Variants in STAT5B observed in about 807,000 individuals in gnomAD.
STAT5B encodes the protein signal transducer and activator of transcription 5B.
Under a neutral mutation model 107.8 loss-of-function variants are expected in STAT5B, and 21 were observed. The observed-to-expected ratio is 0.19, with a 90% CI of 0.14 to 0.28. STAT5B has a LOEUF of 0.28. Among genes scored for constraint, STAT5B ranks in the 10% least tolerant of loss-of-function variants. STAT5B has a pLI of 1.00. For missense variants in STAT5B, 565 were observed against 1,008.2 expected (o/e 0.56, Z 5.95); for synonymous variants, 325 against 401.7 (o/e 0.81, Z 2.28).
At chr17:42,265,374 C>CTTTTTTTTTTTTTTTT (rs1275073687) in intron 1 of STAT5B, among the ~76,000 whole-genome samples, 10 of 99,230 alleles carry the variant, frequency 1.0e-4, no homozygotes, top group African/African-American at 5.0e-4. Context: ...GGTATGTACT[C>CTTTTTTTTTTTTTTTT]TTCTTTTTTT....
chr17:42,267,549 T>G (rs2080684247), intron 1 of STAT5B, among the ~76,000 whole-genome samples: 1 of 152,118 alleles, frequency 6.6e-6, no homozygotes, highest in Non-Finnish European at 1.5e-5. Context: ...AAATTAAAAA[T>G]TATTTAAAAA....
chr17:42,266,629 C>G (rs560021929), intron 1 of STAT5B, among the ~76,000 whole-genome samples: 1 of 151,060 alleles, frequency 6.6e-6, no homozygotes, highest in Non-Finnish European at 1.5e-5. Context: ...AATCCCAATA[C>G]TGTGGAAGGT....
At chr17:42,260,846 C>A (rs2080588741) in intron 1 of STAT5B, among the ~76,000 whole-genome samples, 1 of 151,616 alleles carries the variant, frequency 6.6e-6, no homozygotes, top group South Asian at 2.1e-4. Context: ...TTGAACAGTG[C>A]TGGTCTAGAA....
upstream of STAT5B, among the ~76,000 whole-genome samples, chr17:42,281,133 C>CA (rs537711767): frequency 0.072 from 8,371 of 116,954 alleles, 593 homozygotes; most frequent in African/African-American, 0.19. Context: ...GATTCCGTCT[C>CA]AAAAAAAAAA....
chr17:42,218,126 G>A (rs940917466), intron 9 of STAT5B, 25 bp downstream of exon 9: 5 of 1,610,420 alleles, frequency 3.1e-6, no homozygotes, highest in Admixed American at 1.7e-5. Context: ...AAGTAGCAGG[G>A]AATGAGAGGA....
At chr17:42,216,213 G>A (rs2080170784) in intron 11 of STAT5B, 107 bp from the exon 12 acceptor site, 8 of 982,652 alleles carry the variant, frequency 8.1e-6, no homozygotes, top group Non-Finnish European at 9.2e-6. Flanking sequence ...CCAAGTTTCA[G>A]TTAATGTTCC....
intron 5 of STAT5B, among the ~76,000 whole-genome samples, chr17:42,221,646 G>A (rs1034617493): frequency 3.3e-5 from 5 of 152,174 alleles, no homozygotes; most frequent in African/African-American, 1.2e-4. Context: ...TTCTCTGAAG[G>A]AGCTGCCCTT....
At chr17:42,258,279 A>G (rs964417211) in intron 1 of STAT5B, among the ~76,000 whole-genome samples, 1 of 152,270 alleles carries the variant, frequency 6.6e-6, no homozygotes, top group African/African-American at 2.4e-5. Flanking sequence ...TTTATTTAAC[A>G]TTAAAAGGTC....
At chr17:42,205,883 T>C (rs8064522) in intron 16 of STAT5B, among the ~76,000 whole-genome samples, 1 of 151,964 alleles carries the variant, frequency 6.6e-6, no homozygotes, top group Non-Finnish European at 1.5e-5. Context: ...GGCAACAAAG[T>C]GAGACCCCAT....
chr17:42,222,442 G>A (rs995998873), intron 5 of STAT5B, among the ~76,000 whole-genome samples: 4 of 152,150 alleles, frequency 2.6e-5, no homozygotes, highest in Admixed American at 6.5e-5. Context: ...CCTAAGGGGC[G>A]TTAAGTGTAC....
chr17:42,280,926 C>T (rs531945470), upstream of STAT5B, among the ~76,000 whole-genome samples: 15 of 151,966 alleles, frequency 9.9e-5, no homozygotes, highest in Non-Finnish European at 1.8e-4. Flanking sequence ...GGAGGTCAGG[C>T]GATCGAGACC....
At chr17:42,257,390 C>T (rs2080555566) in intron 1 of STAT5B, among the ~76,000 whole-genome samples, 1 of 152,152 alleles carries the variant, frequency 6.6e-6, no homozygotes, top group Admixed American at 6.5e-5. Context: ...AGGGGGATTA[C>T]TGGCTTTTGT....
chr17:42,219,130 C>CT, intron 7 of STAT5B, among the ~76,000 whole-genome samples, 182 bp downstream of exon 7: 1 of 152,308 alleles, frequency 6.6e-6, no homozygotes, highest in African/African-American at 2.4e-5. Flanking sequence ...CAGCAGCCCC[C>CT]TTCCTGGGGG....
At chr17:42,259,721 A>G (rs2080577944) in intron 1 of STAT5B, among the ~76,000 whole-genome samples, 1 of 151,694 alleles carries the variant, frequency 6.6e-6, no homozygotes. Flanking sequence ...TGTCGGGGGG[A>G]GGCTTCAGTG....
upstream of STAT5B, among the ~76,000 whole-genome samples, chr17:42,278,656 C>A (rs763366008): frequency 2.0e-5 from 3 of 152,062 alleles, no homozygotes; most frequent in Admixed American, 2.0e-4. Context: ...GGACCACAGA[C>A]GTGCACCACT....
At chr17:42,232,360 T>C (rs913981633) in intron 1 of STAT5B, among the ~76,000 whole-genome samples, 3 of 152,148 alleles carry the variant, frequency 2.0e-5, no homozygotes, top group African/African-American at 7.2e-5. Context: ...ATGATTCTCC[T>C]GTCTCAGCCT....
In STAT5B at chr17:42,199,840, A is replaced by C. The variant is rs867412123; in HGVS notation, c.*1898T>G. 1 of 152,468 alleles carries C rather than the reference A, an allele frequency of 6.6e-6. No homozygotes were observed. Among genetic ancestry groups the C allele is most frequent in the Middle Eastern group, 3.4e-3 (1 of 294 alleles). The allele number at this position is 152,468 out of a possible 1,614,324, so 9.4% of individuals were successfully genotyped here. A position where few individuals can be genotyped will look rare whatever the true frequency, so the allele number is the denominator to read the frequency against. ...AAAGTGTATCAAGTCTGACCCCCCA[A>C]CCAGGGTTGCTGGAACAGAGAGCGA... On this transcript the variant is annotated 3_prime_UTR_variant, in exon 19 of 19. Coordinates refer to ENST00000293328, the MANE Select transcript of STAT5B (RefSeq NM_012448.4).
rs560875268 is a variant in STAT5B, at chr17:42,223,657, C to T, written c.376-101G>A. On this transcript the variant is annotated intron_variant, in intron 4 of 18. Transcript: ENST00000293328. ...AGCTCCTACAACCAGGGTAAGACCC[C>T]AAAAGGTAAATTTTGAGTCGGGAGG... is the stretch of plus-strand genomic sequence containing the variant. 1,043 of 1,457,986 alleles carry T rather than the reference C, an allele frequency of 7.2e-4. 1 individual carries two copies. The highest frequency in any genetic ancestry group is 1.3e-3 in the Middle Eastern group (7 of 5,560). 90.3% of individuals were successfully genotyped at this position (1,457,986 alleles called of 1,614,324 possible). A position where few individuals can be genotyped will look rare whatever the true frequency, so the allele number is the denominator to read the frequency against.
intron 12 of STAT5B, among the ~76,000 whole-genome samples, chr17:42,212,697 G>A (rs370919580): frequency 6.6e-6 from 1 of 152,192 alleles, no homozygotes; most frequent in Non-Finnish European, 1.5e-5. Flanking sequence ...TGAGTTGGAT[G>A]GCTTTATTGA....
Sources: allele counts gnomAD v4.1 joint callset (sites outside exome capture counted in the v4.1 genomes callset), GRCh38; gene constraint gnomAD v4.1.1; transcripts MANE v1.5; gene names NCBI Gene and HGNC (gene_info 2026-07-23, HGNC 2026-07-21).